Variants in RBFOX3 observed in about 807,000 individuals in gnomAD.
The protein encoded by RBFOX3 is RNA binding protein fox-1 homolog 3.
A neutral mutation model predicts 48.7 loss-of-function variants in RBFOX3; 17 were observed. The observed-to-expected ratio is 0.35, with a 90% CI of 0.24 to 0.52. The LOEUF (loss-of-function observed/expected upper bound fraction) is 0.52, where lower values mean the gene tolerates loss of function less well. RBFOX3 is among the 20% of genes least tolerant of loss of function. RBFOX3 has a pLI of 0.94. For missense variants in RBFOX3, 382 were observed against 497.5 expected (o/e 0.77, Z 2.21); for synonymous variants, 212 against 209.5 (o/e 1.01, Z -0.10).
At chr17:79,196,712 C>T (rs2055660007) in intron 4 of RBFOX3, among the ~76,000 whole-genome samples, 1 of 152,180 alleles carries the variant, frequency 6.6e-6, no homozygotes, top group South Asian at 2.1e-4. Flanking sequence ...AGTTAACTCT[C>T]AATTATCTAT....
chr17:79,645,606 T>C, the RBFOX3 span, among the ~76,000 whole-genome samples: 2 of 152,148 alleles, frequency 1.3e-5, no homozygotes, highest in Non-Finnish European at 2.9e-5. Context: ...AACTTCCCAG[T>C]CCAGCCCAGG....
At chr17:79,173,999 C>A (rs189607314) in intron 4 of RBFOX3, among the ~76,000 whole-genome samples, 2 of 152,176 alleles carry the variant, frequency 1.3e-5, no homozygotes, top group East Asian at 3.9e-4. Context: ...TTTTGCTTCC[C>A]CTGAATTTGT....
At chr17:79,116,724 C>G (rs1482914285) in intron 4 of RBFOX3, among the ~76,000 whole-genome samples, 1 of 152,236 alleles carries the variant, frequency 6.6e-6, no homozygotes, top group African/African-American at 2.4e-5. Flanking sequence ...GAGGAACTCT[C>G]AAAGATCTGT....
intron 5 of RBFOX3, among the ~76,000 whole-genome samples, chr17:79,108,758 G>A (rs530225931): frequency 1.3e-3 from 192 of 152,314 alleles, no homozygotes; most frequent in African/African-American, 4.1e-3. Context: ...AGCAGGTGCC[G>A]CTAGGTGACC....
At chr17:79,627,410 G>A in the RBFOX3 span, among the ~76,000 whole-genome samples, 6 of 152,216 alleles carry the variant, frequency 3.9e-5, no homozygotes, top group African/African-American at 4.8e-5. Flanking sequence ...TGCCTGTGCC[G>A]AGGGCCTGGG....
chr17:79,481,185 C>T lies in RBFOX3; in HGVS notation c.-175+1269G>A, dbSNP rs2078724886. Among the ~76,000 whole-genome samples, 1 of 152,180 alleles carries T rather than the reference C, an allele frequency of 6.6e-6. No homozygotes were observed. Among genetic ancestry groups the T allele is most frequent in the Non-Finnish European group, 1.5e-5 (1 of 68,034 alleles). On this transcript the variant is annotated intron_variant, in intron 2 of 14. Transcript: ENST00000693108. This position sits in a 1 kb window ranked among gnomAD's most constrained non-coding sequence, Gnocchi z 5.4. ...GGGTATTGGAGAGACCAGCCTGTGT[C>T]CGGGCCTCTGGTCTCTTTGTCCAGG...
At chr17:79,464,563 C>CG (rs556569670) in intron 2 of RBFOX3, among the ~76,000 whole-genome samples, 5 of 152,152 alleles carry the variant, frequency 3.3e-5, no homozygotes, top group Non-Finnish European at 4.4e-5. Context: ...ATGCAGACGC[C>CG]GGGGGGAGGC....
At chr17:79,341,946 G>T (rs1413193171) in intron 2 of RBFOX3, among the ~76,000 whole-genome samples, 1 of 152,250 alleles carries the variant, frequency 6.6e-6, no homozygotes, top group Non-Finnish European at 1.5e-5. Context: ...GAATTCATTT[G>T]GAAAATTTTG....
At chr17:79,656,875 AGGAAGGAAGGAAGGAAGGAG>A in the RBFOX3 span, among the ~76,000 whole-genome samples, 6 of 129,646 alleles carry the variant, frequency 4.6e-5, no homozygotes, top group Admixed American at 2.2e-4. Flanking sequence ...GAGGGAGGGA[AGGAAGGAAGGAAGGAAGGAG>A]GGAAGGAAGG....
chr17:79,209,094 C>T (rs568948734), intron 4 of RBFOX3, among the ~76,000 whole-genome samples: 1 of 152,346 alleles, frequency 6.6e-6, no homozygotes, highest in South Asian at 2.1e-4. Context: ...GCTGGGATTA[C>T]AGGCGTGAGC....
At chr17:79,112,993 C>A (rs2032568760) in intron 5 of RBFOX3, among the ~76,000 whole-genome samples, 1 of 151,318 alleles carries the variant, frequency 6.6e-6, no homozygotes, top group African/African-American at 2.4e-5. Flanking sequence ...CCCTCGAGTG[C>A]CCCGGGAGCT....
chr17:79,589,615 C>T (rs1016715121), intron 1 of RBFOX3, among the ~76,000 whole-genome samples: 1 of 152,184 alleles, frequency 6.6e-6, no homozygotes, highest in Non-Finnish European at 1.5e-5. Context: ...TGCCCAGGCT[C>T]CTGGAGCTTC....
chr17:79,384,241 G>A (rs908410373), intron 2 of RBFOX3, among the ~76,000 whole-genome samples: 14 of 152,150 alleles, frequency 9.2e-5, no homozygotes, highest in East Asian at 1.9e-4. Flanking sequence ...TAAGGGGAGC[G>A]AGGAAGGTAA....
chr17:79,300,419 T>C (rs2075122938), intron 3 of RBFOX3, among the ~76,000 whole-genome samples: 1 of 152,172 alleles, frequency 6.6e-6, no homozygotes, highest in Non-Finnish European at 1.5e-5. Flanking sequence ...AGTGGGGAGA[T>C]GTGATCCTAT....
At chr17:79,546,772 T>C (rs931654153) in intron 1 of RBFOX3, among the ~76,000 whole-genome samples, 2 of 150,820 alleles carry the variant, frequency 1.3e-5, no homozygotes, top group Non-Finnish European at 2.9e-5. Flanking sequence ...CAGGTTGAAG[T>C]GATTCTCCTG....
At chr17:79,536,327 C>T (rs369690558) in intron 1 of RBFOX3, among the ~76,000 whole-genome samples, 1 of 152,258 alleles carries the variant, frequency 6.6e-6, no homozygotes, top group East Asian at 1.9e-4. Flanking sequence ...CTGCCTCGGC[C>T]TCCCAAGTTA....
At chr17:79,610,708 C>T (rs2093952615) in intron 1 of RBFOX3, among the ~76,000 whole-genome samples, 118 bp downstream of exon 1, 1 of 152,084 alleles carries the variant, frequency 6.6e-6, no homozygotes, top group African/African-American at 2.4e-5. Flanking sequence ...CGCTCAGCAG[C>T]CCGCCTCCCA....
intron 1 of RBFOX3, among the ~76,000 whole-genome samples, chr17:79,608,890 C>G (rs1230684467): frequency 2.0e-5 from 3 of 152,120 alleles, no homozygotes; most frequent in African/African-American, 7.2e-5. Context: ...AGAAGGAAGG[C>G]GCGCCGGGAT....
chr17:79,218,201 C>T (rs1012962752), intron 4 of RBFOX3, among the ~76,000 whole-genome samples: 7 of 150,282 alleles, frequency 4.7e-5, no homozygotes, highest in Admixed American at 3.3e-4. Flanking sequence ...ATCGAGCTGG[C>T]GAGGCTGGGA....
Sources: allele counts gnomAD v4.1 joint callset (sites outside exome capture counted in the v4.1 genomes callset), GRCh38; gene constraint gnomAD v4.1.1; non-coding constraint Gnocchi (gnomAD v3.1); transcripts MANE v1.5; gene names NCBI Gene and HGNC (gene_info 2026-07-23, HGNC 2026-07-21).